The following COBL variants were observed in gnomAD, a reference collection of about 807,000 sequenced individuals.
COBL encodes the protein protein cordon-bleu.
In COBL, 51 loss-of-function variants were observed where a neutral mutation model predicts 98.8. The ratio of observed to expected loss-of-function variants is 0.52; its 90% confidence interval spans 0.41 to 0.65. The LOEUF (loss-of-function observed/expected upper bound fraction) is 0.65, where lower values mean the gene tolerates loss of function less well. Ranked by LOEUF, COBL falls within the 30% of genes least tolerant of loss-of-function variation. COBL has a pLI of 0.00. For missense variants in COBL, 1,617 were observed against 1,617.5 expected, an observed-to-expected ratio of 1.00 and a Z score of 0.01; for synonymous variants, 634 against 651.7, an observed-to-expected ratio of 0.97 and a Z score of 0.41.
At chr7:51,042,576 G>A (rs2128888049) in intron 8 of COBL, among the ~76,000 whole-genome samples, 1 of 151,712 alleles carries the variant, frequency 6.6e-6, no homozygotes, top group Non-Finnish European at 1.5e-5. Flanking sequence ...TGACCATGCT[G>A]GTCTTGAACT....
intron 1 of COBL, among the ~76,000 whole-genome samples, chr7:51,228,838 C>A (rs1794455459): frequency 6.6e-6 from 1 of 152,084 alleles, no homozygotes. Context: ...CTGAGCAGAG[C>A]AACCCCTGTT....
intron 6 of COBL, among the ~76,000 whole-genome samples, chr7:51,134,366 G>C (rs1799023704): frequency 6.6e-6 from 1 of 152,164 alleles, no homozygotes; most frequent in African/African-American, 2.4e-5. Context: ...TGCCTCAGAG[G>C]AAACTCTGTT....
intron 8 of COBL, chr7:51,035,704 T>A (rs1562825318): frequency 6.6e-6 from 1 of 152,218 alleles, no homozygotes; most frequent in Admixed American, 6.5e-5. Flanking sequence ...TTTCTGCCAA[T>A]AATTAATATA....
chr7:51,158,995 G>T (rs2129032264), intron 5 of COBL, among the ~76,000 whole-genome samples: 1 of 152,264 alleles, frequency 6.6e-6, no homozygotes, highest in South Asian at 2.1e-4. Context: ...CCGACCCTGG[G>T]ACTGCCAGTG....
In COBL at chr7:51,121,627, T is replaced by C. The variant is rs10276775; in HGVS notation, c.957+14531A>G. 7.5e-3 allele frequency among the ~76,000 whole-genome samples: 1,147 copies of C among 152,296 alleles called. 8 individuals carry two copies. The highest frequency in any genetic ancestry group is 0.026 in the African/African-American group (1,100 of 41,556). On this transcript the variant is annotated intron_variant, in intron 6 of 12. Coordinates refer to ENST00000265136, the MANE Select transcript of COBL (RefSeq NM_015198.5). ...GTCAAGGCTGAGTTCAGAATGTAAG[T>C]TCAAGACGAGATGGTGCCTAGGAGG...
intron 1 of COBL, among the ~76,000 whole-genome samples, chr7:51,239,850 G>T (rs1255122348): frequency 6.6e-6 from 1 of 152,170 alleles, no homozygotes; most frequent in Non-Finnish European, 1.5e-5. Context: ...TGATTGTCTA[G>T]ATCAGGGATC....
chr7:51,088,981 C>G (rs1343772939), intron 6 of COBL, among the ~76,000 whole-genome samples: 2 of 152,266 alleles, frequency 1.3e-5, no homozygotes, highest in East Asian at 3.9e-4. Context: ...TCTGCCACTG[C>G]AGGGGGTGGC....
At chr7:51,281,217 G>C (rs1417698344) in intron 1 of COBL, among the ~76,000 whole-genome samples, 1 of 152,116 alleles carries the variant, frequency 6.6e-6, no homozygotes, top group Non-Finnish European at 1.5e-5. Flanking sequence ...CACTGACTTT[G>C]CATACAGGTC....
chr7:51,302,581 CAAAAAAAAAA>C (rs397888990), intron 1 of COBL, among the ~76,000 whole-genome samples: 1 of 66,588 alleles, frequency 1.5e-5, no homozygotes, highest in East Asian at 3.3e-4. Flanking sequence ...AACTCCGTCT[CAAAAAAAAAA>C]AAAAAAAAAG....
At chr7:51,126,859 C>G (rs572969900) in intron 6 of COBL, among the ~76,000 whole-genome samples, 1 of 152,294 alleles carries the variant, frequency 6.6e-6, no homozygotes, top group East Asian at 1.9e-4. Context: ...GGTGCTCCCC[C>G]TCTTCAGTGT....
chr7:51,131,481 G>T (rs901709885), intron 6 of COBL, among the ~76,000 whole-genome samples: 1 of 151,968 alleles, frequency 6.6e-6, no homozygotes, highest in Admixed American at 6.6e-5. Context: ...AACATGCCAG[G>T]TATTATACAA....
intron 2 of COBL, among the ~76,000 whole-genome samples, chr7:51,208,547 C>T (rs1452277037): frequency 1.3e-5 from 2 of 152,234 alleles, no homozygotes; most frequent in African/African-American, 4.8e-5. Flanking sequence ...GGCCACCACC[C>T]CATCTGGGAG....
intron 2 of COBL, among the ~76,000 whole-genome samples, chr7:51,197,347 G>C (rs1790687199): frequency 6.6e-6 from 1 of 151,802 alleles, no homozygotes; most frequent in Non-Finnish European, 1.5e-5. Context: ...GAATTTATTA[G>C]TCTTGATTTC....
At chr7:51,278,113 T>A (rs1193020242) in intron 1 of COBL, among the ~76,000 whole-genome samples, 1 of 152,134 alleles carries the variant, frequency 6.6e-6, no homozygotes, top group Non-Finnish European at 1.5e-5. Flanking sequence ...CAGCCTTGAG[T>A]GCCAGCTCTG....
intron 1 of COBL, among the ~76,000 whole-genome samples, chr7:51,266,366 G>A (rs1166143014): frequency 6.6e-6 from 1 of 152,194 alleles, no homozygotes; most frequent in Non-Finnish European, 1.5e-5. Flanking sequence ...ATCACCTGAG[G>A]TCGGGAGTTT....
In COBL at chr7:51,106,038, CAA is replaced by C. The variant is rs527330225; in HGVS notation, c.958-20736_958-20735del. The stretch of plus-strand genomic sequence containing the variant: ...TGAAACCCTGTCTCTACTAAAAATA[CAA>C]AAAAAAAAAAAAAAATTGTCGGGGG... On this transcript the variant is annotated intron_variant, in intron 6 of 12. Coordinates refer to ENST00000265136, the MANE Select transcript of COBL (RefSeq NM_015198.5). 3.7e-3 allele frequency among the ~76,000 whole-genome samples: 454 copies of C among 123,684 alleles called. 4 individuals carry two copies. Among genetic ancestry groups the C allele is most frequent in the African/African-American group, 0.013 (428 of 33,714 alleles). 81.1% of individuals were successfully genotyped at this position (123,684 alleles called of 152,430 possible). A position where few individuals can be genotyped will look rare whatever the true frequency, so the allele number is the denominator to read the frequency against.
intron 6 of COBL, among the ~76,000 whole-genome samples, chr7:51,132,999 T>C (rs893406686): frequency 2.0e-5 from 3 of 152,022 alleles, no homozygotes. Context: ...AACATGAGAT[T>C]TGGAGGGGAC....
intron 1 of COBL, among the ~76,000 whole-genome samples, chr7:51,267,464 T>TTATTTGTATTTTTATAATA: frequency 6.6e-6 from 1 of 151,880 alleles, no homozygotes; most frequent in East Asian, 1.9e-4. Context: ...TTTCATACAT[T>TTATTTGTATTTTTATAATA]CATTTATTTG....
At chr7:51,046,709 G>A (rs1262126308) in intron 7 of COBL, among the ~76,000 whole-genome samples, 1 of 152,108 alleles carries the variant, frequency 6.6e-6, no homozygotes, top group Non-Finnish European at 1.5e-5. Flanking sequence ...CGAGGTTGGG[G>A]GCCCAGGTCC....
Sources: allele counts gnomAD v4.1 joint callset (sites outside exome capture counted in the v4.1 genomes callset), GRCh38; gene constraint gnomAD v4.1.1; transcripts MANE v1.5; gene names NCBI Gene and HGNC (gene_info 2026-07-23, HGNC 2026-07-21).